The following PEAK1 variants were observed in gnomAD, a reference collection of about 807,000 sequenced individuals.
PEAK1 encodes inactive tyrosine-protein kinase PEAK1.
PEAK1 carries 54 observed loss-of-function variants against 124.7 expected under a neutral mutation model. The ratio of observed to expected loss-of-function variants is 0.43; its 90% CI spans 0.35 to 0.54. The LOEUF (loss-of-function observed/expected upper bound fraction) is 0.54, where lower values mean the gene tolerates loss of function less well. Among genes scored for constraint, PEAK1 ranks in the 20% least tolerant of loss-of-function variants. The probability of loss-of-function intolerance (pLI) is 0.01; values close to 1 mark genes in which losing one functional copy is unlikely to be tolerated. For synonymous variants in PEAK1, 719 were observed against 760.0 expected (o/e 0.95, Z 0.89); for missense variants, 2,046 against 2,134.5 (o/e 0.96, Z 0.82).
At chr15:77,372,975 C>A (rs1282774633) in intron 1 of PEAK1, among the ~76,000 whole-genome samples, 1 of 152,144 alleles carries the variant, frequency 6.6e-6, no homozygotes, top group African/African-American at 2.4e-5. Flanking sequence ...CTATACAACC[C>A]GAGGAACCAT....
intron 2 of PEAK1, among the ~76,000 whole-genome samples, chr15:77,298,786 G>T (rs2063641872): frequency 6.6e-6 from 1 of 152,092 alleles, no homozygotes; most frequent in Non-Finnish European, 1.5e-5. Context: ...CTAAGTTAAT[G>T]TACAAAATCA....
intron 2 of PEAK1, among the ~76,000 whole-genome samples, chr15:77,319,244 A>T (rs1351937641): frequency 6.6e-6 from 1 of 152,048 alleles, no homozygotes; most frequent in Admixed American, 6.5e-5. Context: ...ATTTGCCCCA[A>T]ATGTAGTTTA....
intron 2 of PEAK1, chr15:77,350,935 G>A: frequency 1.8e-5 from 18 of 985,332 alleles, no homozygotes; most frequent in Non-Finnish European, 2.2e-5. Flanking sequence ...CAATTCACAT[G>A]TAAAGCACTC....
At chr15:77,142,986 T>G (rs2053905171) in intron 8 of PEAK1, among the ~76,000 whole-genome samples, 2 of 152,206 alleles carry the variant, frequency 1.3e-5, no homozygotes, top group Admixed American at 1.3e-4. Flanking sequence ...GAATATAAAT[T>G]ATATCTCAAT....
intron 8 of PEAK1, among the ~76,000 whole-genome samples, chr15:77,148,946 T>C (rs2054372667): frequency 6.6e-6 from 1 of 152,016 alleles, no homozygotes; most frequent in African/African-American, 2.4e-5. Context: ...ATTTAAAGTA[T>C]TTTTTTAAAA....
intron 8 of PEAK1, chr15:77,157,341 G>A (rs1178938704): frequency 6.6e-6 from 1 of 152,204 alleles, no homozygotes; most frequent in African/African-American, 2.4e-5. Flanking sequence ...TAGTAGTCCA[G>A]GCTACTCACC....
chr15:77,381,170 A>G lies in PEAK1; in HGVS notation c.-665-15945T>C, dbSNP rs142424465. On this transcript the variant is annotated intron_variant, in intron 1 of 9. Coordinates refer to ENST00000682557, the MANE Select transcript of PEAK1 (RefSeq NM_001385026.1). ...TGCTAAAAATCATGTTTTAAGATTA[A>G]TAACCTAAAAAGCTAATCTAGGACT... 1.1e-3 allele frequency: 1,025 copies of G among 949,536 alleles called. 6 individuals are homozygous for G. The African/African-American group carries it at 0.016, about 15-fold the overall frequency. The allele number at this position is 949,536 out of a possible 1,614,324, so 58.8% of individuals were successfully genotyped here. A position where few individuals can be genotyped will look rare whatever the true frequency, so the allele number is the denominator to read the frequency against.
chr15:77,271,822 C>G (rs1413933297), intron 5 of PEAK1, among the ~76,000 whole-genome samples: 2 of 151,980 alleles, frequency 1.3e-5, no homozygotes. Context: ...AGGAGACATA[C>G]CTAATGTAAA....
At chr15:77,177,158 G>A (rs1049868030) in intron 7 of PEAK1, among the ~76,000 whole-genome samples, 5 of 152,092 alleles carry the variant, frequency 3.3e-5, no homozygotes, top group Non-Finnish European at 7.4e-5. Context: ...GTTTCACCAT[G>A]TTGGCAAGGC....
intron 2 of PEAK1, chr15:77,347,366 A>C (rs2141396067): frequency 1.0e-6 from 1 of 985,416 alleles, no homozygotes; most frequent in Middle Eastern, 5.2e-4. Context: ...GCCACAGAGG[A>C]AGAGGTTTCT....
chr15:77,229,086 C>T (rs1423299398), intron 6 of PEAK1, among the ~76,000 whole-genome samples: 2 of 152,126 alleles, frequency 1.3e-5, no homozygotes, highest in Admixed American at 1.3e-4. Flanking sequence ...ACCAGGCAGT[C>T]CCCTAGAAAA....
intron 2 of PEAK1, chr15:77,349,942 T>C (rs1260143230): frequency 2.0e-6 from 2 of 984,548 alleles, no homozygotes; most frequent in Non-Finnish European, 1.2e-6. Flanking sequence ...AAAATATACA[T>C]CTGCTCCATA....
At chr15:77,381,435 A>C in intron 1 of PEAK1, 1 of 942,366 alleles carries the variant, frequency 1.1e-6, no homozygotes, top group Non-Finnish European at 1.3e-6. Flanking sequence ...CTTAAAAAAA[A>C]TAATTTTTTC....
intron 5 of PEAK1, among the ~76,000 whole-genome samples, chr15:77,268,253 TC>T (rs2061843351): frequency 6.6e-6 from 1 of 152,156 alleles, no homozygotes; most frequent in African/African-American, 2.4e-5. Flanking sequence ...GGTGGGCAGA[TC>T]ACTTGATGTC....
intron 6 of PEAK1, among the ~76,000 whole-genome samples, chr15:77,232,321 AC>A (rs2059941411): frequency 6.6e-6 from 1 of 152,078 alleles, no homozygotes; most frequent in Non-Finnish European, 1.5e-5. Context: ...GGAAACACAC[AC>A]ACACACACAC....
At chr15:77,403,419 G>C (rs2071541874) in intron 1 of PEAK1, 7 of 918,630 alleles carry the variant, frequency 7.6e-6, no homozygotes, top group Non-Finnish European at 6.5e-6. Context: ...AACCATGATA[G>C]GCAATCTTAC....
chr15:77,286,356 G>T, intron 3 of PEAK1, 67 bp downstream of exon 3: 1 of 862,882 alleles, frequency 1.2e-6, no homozygotes, highest in East Asian at 3.4e-5. Context: ...AAATAAGACA[G>T]GAGATTAATA....
At chr15:77,383,533 A>C (rs1417022023) in intron 1 of PEAK1, among the ~76,000 whole-genome samples, 3 of 152,244 alleles carry the variant, frequency 2.0e-5, no homozygotes, top group Non-Finnish European at 2.9e-5. Flanking sequence ...CTAGGGATTC[A>C]GACTGGGGAC....
Position 77,188,395 on chromosome 15 carries a change from T to G in PEAK1, c.-114-6355A>C, listed in dbSNP as rs74779668. Among the ~76,000 whole-genome samples, 1,063 of 152,330 alleles carry G rather than the reference T, an allele frequency of 7.0e-3. 8 individuals are homozygous for G. The highest frequency in any genetic ancestry group is 0.024 in the African/African-American group (1,013 of 41,568). ...AGCAGCACCGCTCAGTTCCAACTAATTTTTAAATTCAAACTCTTTGACGAA... is the reference window on the plus strand; with the variant it reads ...AGCAGCACCGCTCAGTTCCAACTAAGTTTTAAATTCAAACTCTTTGACGAA... On this transcript the variant is annotated intron_variant, in intron 6 of 9. Coordinates refer to ENST00000682557, the MANE Select transcript of PEAK1 (RefSeq NM_001385026.1).
Sources: allele counts gnomAD v4.1 joint callset (sites outside exome capture counted in the v4.1 genomes callset), GRCh38; gene constraint gnomAD v4.1.1; transcripts MANE v1.5; gene names NCBI Gene and HGNC (gene_info 2026-07-23, HGNC 2026-07-21).